The following SYNE1 variants were observed in gnomAD, a reference collection of about 807,000 sequenced individuals.
SYNE1 encodes nesprin-1.
A neutral mutation model predicts 1,111.0 loss-of-function variants in SYNE1; 616 were observed. The ratio of observed to expected loss-of-function variants is 0.55; its 90% CI spans 0.52 to 0.59. The LOEUF (loss-of-function observed/expected upper bound fraction) is 0.59. Ranked by LOEUF, SYNE1 falls within the 20% of genes least tolerant of loss-of-function variation. The pLI, the probability that SYNE1 is intolerant of heterozygous loss-of-function variation, is 0.00. For synonymous variants in SYNE1, 3,855 were observed against 3,825.8 expected, an observed-to-expected ratio of 1.01 and a Z score of -0.28; for missense variants, 10,006 against 10,417.0, an observed-to-expected ratio of 0.96 and a Z score of 1.72.
At chr6:152,278,636 G>GT (rs1303434520) in intron 97 of SYNE1, among the ~76,000 whole-genome samples, 1 of 151,922 alleles carries the variant, frequency 6.6e-6, no homozygotes, top group African/African-American at 2.4e-5. Flanking sequence ...CTACTGTTTT[G>GT]TTTTTTAGTA....
chr6:152,337,526 T>A (rs1387532827), intron 75 of SYNE1, among the ~76,000 whole-genome samples: 4 of 152,214 alleles, frequency 2.6e-5, no homozygotes, highest in Admixed American at 2.0e-4. Flanking sequence ...CAACCTCAGA[T>A]AATACGCCCG....
At chr6:152,322,712 G>A (rs1319117547) in intron 82 of SYNE1, among the ~76,000 whole-genome samples, 1 of 152,078 alleles carries the variant, frequency 6.6e-6, no homozygotes, top group Non-Finnish European at 1.5e-5. Context: ...CATCACCCAA[G>A]GAGCTCCTTG....
chr6:152,542,260 G>C (rs1262484575), intron 3 of SYNE1, among the ~76,000 whole-genome samples: 1 of 152,140 alleles, frequency 6.6e-6, no homozygotes, highest in East Asian at 1.9e-4. Context: ...TGACCAATAA[G>C]AATGAATGAG....
chr6:152,518,350 GT>G, intron 6 of SYNE1, among the ~76,000 whole-genome samples: 1 of 152,056 alleles, frequency 6.6e-6, no homozygotes, highest in Non-Finnish European at 1.5e-5. Flanking sequence ...CTTATCAATA[GT>G]TTAGCACCAT....
At chr6:152,552,455 T>C (rs1175559596) in intron 3 of SYNE1, among the ~76,000 whole-genome samples, 2 of 141,322 alleles carry the variant, frequency 1.4e-5, no homozygotes, top group East Asian at 3.9e-4. Flanking sequence ...TATTTACATA[T>C]TTATATTATA....
At chr6:152,293,550 T>TA in intron 95 of SYNE1, 38 bp downstream of exon 95, 2 of 1,612,440 alleles carry the variant, frequency 1.2e-6, no homozygotes, top group African/African-American at 2.7e-5. Flanking sequence ...AGTGCCTTAT[T>TA]CAATCAAGTA....
chr6:152,193,609 T>C (rs1468438544), intron 127 of SYNE1, among the ~76,000 whole-genome samples: 5 of 152,194 alleles, frequency 3.3e-5, no homozygotes, highest in Non-Finnish European at 5.9e-5. Flanking sequence ...TGAGCCACCA[T>C]GCCCAGCCAT....
At position 152,300,696 on chromosome 6, in the gene SYNE1, G is replaced by T. The variant is rs753162137; in HGVS notation, c.17627C>A (p.Pro5876Gln). ...AGGTGAAGGGGAGCGACAGGCAGGT[G>T]GAGAGGAAATCTCACTGTTGGTTCC... is the stretch of plus-strand genomic sequence containing the variant. ...EEGTNSEISSPPACRSPSPVA... is the reference protein window; with the variant it reads ...EEGTNSEISSQPACRSPSPVA... The change falls in exon 93 of 146, where the codon CCA (proline) becomes CAA (glutamine). Residue 5876 changes from proline to glutamine, a missense_variant. By Grantham distance (76) the Pro-to-Gln change is moderately conservative. Transcript: ENST00000367255. The T allele has an allele frequency of 1.9e-6, 3 of 1,614,198 alleles. No homozygotes were observed. Among genetic ancestry groups the T allele is most frequent in the Non-Finnish European group, 2.5e-6 (3 of 1,180,044 alleles).
rs570717570 is a variant in SYNE1 at position 152,213,185 on chromosome 6, T to A, written c.22494+427A>T. ...ATAGATTGATTTCCTGGTATAAAAT[T>A]CATATACGCTCTTTGAAGATCACAA... On this transcript the variant is annotated intron_variant, in intron 123 of 145. Coordinates refer to ENST00000367255, the MANE Select transcript of SYNE1 (RefSeq NM_182961.4). Among the ~76,000 whole-genome samples the A allele has an allele frequency of 2.6e-4, 40 of 152,338 alleles. 1 individual carries two copies. The East Asian group carries it at 7.3e-3, about 28-fold the overall frequency.
intron 15 of SYNE1, 131 bp from the exon 16 acceptor site, chr6:152,471,896 C>T: frequency 1.1e-6 from 1 of 926,728 alleles, no homozygotes; most frequent in East Asian, 2.6e-5. Context: ...TGATCATTTT[C>T]TGGAAATCCG....
intron 38 of SYNE1, among the ~76,000 whole-genome samples, chr6:152,426,309 T>C (rs1421099400): frequency 1.3e-5 from 2 of 152,222 alleles, no homozygotes; most frequent in African/African-American, 4.8e-5. Flanking sequence ...ACAAGCAAGA[T>C]TGCTAAAGGG....
At chr6:152,138,145 T>C (rs1427193531) in intron 140 of SYNE1, among the ~76,000 whole-genome samples, 1 of 152,138 alleles carries the variant, frequency 6.6e-6, no homozygotes, top group Non-Finnish European at 1.5e-5. Flanking sequence ...GTAGAGGCCT[T>C]TCTATAGGGA....
chr6:152,321,988 T>C (rs1197701927), intron 82 of SYNE1, 102 bp from the exon 83 acceptor site: 8 of 1,311,048 alleles, frequency 6.1e-6, no homozygotes, highest in African/African-American at 3.0e-5. Context: ...GGAAACCTAG[T>C]ATCTTTTTTG....
Position 152,155,398 on chromosome 6 carries a change from C to T in SYNE1, c.23979-356G>A, listed in dbSNP as rs562554587. 2.1e-3 allele frequency: 648 copies of T among 315,232 alleles called. 9 individuals are homozygous for T. The highest frequency in any genetic ancestry group is 0.012 in the South Asian group (360 of 30,926). 19.5% of individuals were successfully genotyped at this position (315,232 alleles called of 1,614,324 possible). On this transcript the variant is annotated intron_variant, in intron 132 of 145. Transcript: ENST00000367255. ...GGCCAGTGTCTTACGGAAATAAAGA[C>T]GAGGTCGGAAAATCCATTTAAGTCC...
At chr6:152,342,158 T>A (rs765312586) in intron 74 of SYNE1, among the ~76,000 whole-genome samples, 23 of 152,174 alleles carry the variant, frequency 1.5e-4, no homozygotes, top group Non-Finnish European at 2.5e-4. Flanking sequence ...GGAAGAAGGA[T>A]CAGTATCCTC....
At chr6:152,260,214 T>C (rs940507168) in intron 101 of SYNE1, among the ~76,000 whole-genome samples, 7 of 152,162 alleles carry the variant, frequency 4.6e-5, no homozygotes, top group African/African-American at 1.7e-4. Flanking sequence ...CAGTCCCTGA[T>C]TCAGAACTGT....
intron 36 of SYNE1, among the ~76,000 whole-genome samples, chr6:152,428,892 C>T (rs2154199314): frequency 6.6e-6 from 1 of 152,072 alleles, no homozygotes; most frequent in Middle Eastern, 3.4e-3. Flanking sequence ...GAATGCACTG[C>T]TATTTATCTA....
At chr6:152,260,231 C>T (rs1241093867) in intron 101 of SYNE1, among the ~76,000 whole-genome samples, 1 of 152,148 alleles carries the variant, frequency 6.6e-6, no homozygotes, top group Non-Finnish European at 1.5e-5. Context: ...CTGTACATAC[C>T]TCTCCTATTC....
chr6:152,276,066 A>C (rs1221161976), intron 98 of SYNE1, among the ~76,000 whole-genome samples: 2 of 115,958 alleles, frequency 1.7e-5, no homozygotes, highest in African/African-American at 3.4e-5. Context: ...ACAGGATTTC[A>C]CTCTGTTGCC....
Sources: gnomAD v4.1 joint callset for allele counts (sites outside exome capture counted in the v4.1 genomes callset) on GRCh38, gnomAD v4.1.1 for gene constraint, MANE v1.5 for transcripts, NCBI Gene and HGNC (gene_info 2026-07-23, HGNC 2026-07-21) for gene names.